DNAH17: variants seen among roughly 807,000 people sequenced by gnomAD.
DNAH17 encodes the protein dynein axonemal heavy chain 17.
In DNAH17, 376 loss-of-function variants were observed where a neutral mutation model predicts 485.6. The observed-to-expected ratio is 0.77, with a 90% CI of 0.71 to 0.84. DNAH17 has a LOEUF of 0.84. DNAH17 is among the 40% of genes least tolerant of loss of function. The pLI is 0.00. For missense variants in DNAH17, 6,370 were observed against 5,839.3 expected, an observed-to-expected ratio of 1.09 and a Z score of -2.96; for synonymous variants, 3,031 against 2,405.9, an observed-to-expected ratio of 1.26 and a Z score of -7.60.
At chr17:78,538,138 C>A (rs1474543195) in intron 18 of DNAH17, among the ~76,000 whole-genome samples, 2 of 106,288 alleles carry the variant, frequency 1.9e-5, no homozygotes, top group African/African-American at 3.7e-5. Context: ...ACTCTGTCTC[C>A]AAAAAAAAAA....
intron 1 of DNAH17, among the ~76,000 whole-genome samples, chr17:78,575,587 G>A (rs1383503736): frequency 6.6e-6 from 1 of 152,250 alleles, no homozygotes. Flanking sequence ...AGCCGCAGCC[G>A]TGGTGCACCT....
At chr17:78,510,189 A>G (rs1219493225) in intron 27 of DNAH17, among the ~76,000 whole-genome samples, 195 bp downstream of exon 27, 1 of 152,012 alleles carries the variant, frequency 6.6e-6, no homozygotes, top group African/African-American at 2.4e-5. Flanking sequence ...CTCAAAAACA[A>G]TAAAAAATAA....
chr17:78,476,469 C>T, intron 52 of DNAH17, 103 bp downstream of exon 52: 1 of 1,353,328 alleles, frequency 7.4e-7, no homozygotes, highest in East Asian at 2.5e-5. Context: ...CCACCCCCAA[C>T]AAAGGGCCCT....
rs748903580 is a variant in DNAH17, at chr17:78,450,769, C to G, written c.10812G>C (p.Ser3604=). 1.2e-6 allele frequency: 2 copies of G among 1,614,040 alleles called. No homozygotes were observed. Among genetic ancestry groups the G allele is most frequent in the Admixed American group, 1.7e-5 (1 of 60,024 alleles). ...ELEDSLLARL[S]AASGNFLGDT... The stretch of plus-strand genomic sequence containing the variant: ...CTCCCAGAAAGTTCCCCGACGCAGC[C>G]GACAGACGGGCCAGGAGCGAATCTT... The change falls in exon 67 of 81, where the codon TCG becomes TCC. Residue 3604 remains serine, a synonymous_variant. Coordinates refer to ENST00000389840, the MANE Select transcript of DNAH17 (RefSeq NM_173628.4).
intron 18 of DNAH17, among the ~76,000 whole-genome samples, chr17:78,538,138 C>CA (rs60460125): frequency 0.04 from 4,257 of 105,822 alleles, 77 homozygotes; most frequent in Non-Finnish European, 0.056. Context: ...ACTCTGTCTC[C>CA]AAAAAAAAAA....
At chr17:78,431,065 G>C (rs1377633722) in intron 75 of DNAH17, among the ~76,000 whole-genome samples, 1 of 151,874 alleles carries the variant, frequency 6.6e-6, no homozygotes, top group East Asian at 1.9e-4. Flanking sequence ...TTTTTGTAGA[G>C]ACAGGGTCTT....
chr17:78,568,996 C>T (rs754717143), intron 9 of DNAH17, among the ~76,000 whole-genome samples, 170 bp downstream of exon 9: 8 of 152,102 alleles, frequency 5.3e-5, no homozygotes, highest in Non-Finnish European at 7.3e-5. Flanking sequence ...GCTCTGGCCA[C>T]GGCAGATGCT....
intron 17 of DNAH17, among the ~76,000 whole-genome samples, chr17:78,543,156 C>T (rs1364561375): frequency 6.6e-6 from 1 of 152,220 alleles, no homozygotes; most frequent in African/African-American, 2.4e-5. Context: ...ACTCTTTCAC[C>T]CAGGCTGGGG....
intron 56 of DNAH17, among the ~76,000 whole-genome samples, chr17:78,463,494 A>G (rs1233755122): frequency 6.6e-6 from 1 of 151,612 alleles, no homozygotes; most frequent in Non-Finnish European, 1.5e-5. Flanking sequence ...ACCTGTATAT[A>G]TACACGTGCA....
chr17:78,539,288 G>A (rs930097857), intron 18 of DNAH17, among the ~76,000 whole-genome samples: 1 of 152,124 alleles, frequency 6.6e-6, no homozygotes, highest in Non-Finnish European at 1.5e-5. Context: ...CCATTGCCAT[G>A]GAAAGCATGC....
rs34701814 is a variant in DNAH17, at chr17:78,548,202, CTTTTTT to C, written c.2391+3327_2391+3332del. Among the ~76,000 whole-genome samples, 42 of 80,124 alleles carry C rather than the reference CTTTTTT, an allele frequency of 5.2e-4. 1 individual carries two copies. Among genetic ancestry groups the C allele is most frequent in the African/African-American group, 1.9e-3 (36 of 18,724 alleles). The allele number at this position is 80,124 out of a possible 152,430, so 52.6% of individuals were successfully genotyped here. A position where few individuals can be genotyped will look rare whatever the true frequency, so the allele number is the denominator to read the frequency against. On this transcript the variant is annotated intron_variant, in intron 16 of 80. Coordinates refer to ENST00000389840, the MANE Select transcript of DNAH17 (RefSeq NM_173628.4). ...GTTGTTATTTCGTAGATGTCATGGC[CTTTTTT>C]TTTTTTTTTTTTTGGAGACAGAGTC...
At chr17:78,433,951 A>AGGAGGGAGGGAAGGAG (rs2086775027) in intron 75 of DNAH17, 78 bp downstream of exon 75, 1 of 1,008,564 alleles carries the variant, frequency 9.9e-7, no homozygotes, top group Non-Finnish European at 1.4e-6. Context: ...GAGGGAGGGA[A>AGGAGGGAGGGAAGGAG]GGAGGGAGGG....
Position 78,524,991 on chromosome 17 carries a change from G to A in DNAH17, c.3864+18C>T, listed in dbSNP as rs200070588. ...GCAGAATCCCGGGCCCCACCCACGC[G>A]GCGTGCCCTGCACTCACCACAACAA... On this transcript the variant is annotated intron_variant, in intron 25 of 80. Coordinates refer to ENST00000389840, the MANE Select transcript of DNAH17 (RefSeq NM_173628.4). 2.7e-5 allele frequency: 43 copies of A among 1,593,860 alleles called. No individual in the cohort carries two copies. In the South Asian group the frequency reaches 3.3e-4, roughly 12 times the overall value.
intron 71 of DNAH17, among the ~76,000 whole-genome samples, chr17:78,443,806 G>A (rs942893635): frequency 3.3e-5 from 5 of 152,142 alleles, no homozygotes; most frequent in Non-Finnish European, 7.4e-5. Flanking sequence ...CCAAAGTACT[G>A]GGATTACAGG....
intron 74 of DNAH17, 134 bp from the exon 75 acceptor site, chr17:78,434,354 G>A (rs569697125): frequency 1.6e-5 from 12 of 752,966 alleles, no homozygotes; most frequent in African/African-American, 8.8e-5. Flanking sequence ...ACAAAGCTGT[G>A]GGCTGTGCAG....
At chr17:78,500,039 CA>C (rs1304057775) in intron 36 of DNAH17, 1 of 419,570 alleles carries the variant, frequency 2.4e-6, no homozygotes, top group South Asian at 2.8e-5. Flanking sequence ...GCAATCTTAA[CA>C]ACTGAAATTG....
At chr17:78,485,446 A>C (rs543090087) in intron 47 of DNAH17, 104 bp downstream of exon 47, 2 of 1,138,316 alleles carry the variant, frequency 1.8e-6, no homozygotes, top group African/African-American at 1.5e-5. Context: ...GAGGAGGTGC[A>C]AAGTGGCTAG....
intron 75 of DNAH17, among the ~76,000 whole-genome samples, chr17:78,430,100 C>G (rs557725532): frequency 1.3e-5 from 2 of 152,348 alleles, no homozygotes; most frequent in African/African-American, 4.8e-5. Flanking sequence ...CTGGAACATT[C>G]TTCTTCCTAC....
rs1348022616 is a variant in DNAH17, at chr17:78,500,360, C to T, written c.5585G>A (p.Arg1862Lys). 1 of 1,612,748 alleles carries T rather than the reference C, an allele frequency of 6.2e-7. No individual in the cohort carries two copies. The highest frequency in any genetic ancestry group is 8.5e-7 in the Non-Finnish European group (1 of 1,179,456). Residue 1862 changes from arginine to lysine, a missense_variant, in exon 36 of 81, where the codon AGA becomes AAA. Transcript: ENST00000389840. ...GKTETTKDLG[R>K]ALGTMVYVFN... Reference sequence around the variant, plus strand: ...GACGTAGACCATGGTGCCCAGGGCTCTGCCCAGGTCCTTGGTCGTCTCAGT... The same window carrying T: ...GACGTAGACCATGGTGCCCAGGGCTTTGCCCAGGTCCTTGGTCGTCTCAGT...
Sources: gnomAD v4.1 joint callset for allele counts (sites outside exome capture counted in the v4.1 genomes callset) on GRCh38, gnomAD v4.1.1 for gene constraint, MANE v1.5 for transcripts, NCBI Gene and HGNC (gene_info 2026-07-23, HGNC 2026-07-21) for gene names.